PTPN1: variants seen among roughly 807,000 people sequenced by gnomAD.
PTPN1 encodes the protein tyrosine-protein phosphatase non-receptor type 1.
PTPN1 carries 12 observed loss-of-function variants against 59.9 expected under a neutral mutation model. The ratio of observed to expected loss-of-function variants is 0.20; its 90% CI spans 0.13 to 0.32. The LOEUF (loss-of-function observed/expected upper bound fraction) is 0.32. Among genes scored for constraint, PTPN1 ranks in the 10% least tolerant of loss-of-function variants. The probability of loss-of-function intolerance (pLI) is 1.00; values close to 1 mark genes in which losing one functional copy is unlikely to be tolerated. For synonymous variants in PTPN1, 178 were observed against 203.6 expected (o/e 0.87, Z 1.07); for missense variants, 356 against 549.2 (o/e 0.65, Z 3.52).
At chr20:50,574,229 A>G (rs1356234022) in intron 4 of PTPN1, 2 of 369,116 alleles carry the variant, frequency 5.4e-6, no homozygotes, top group Non-Finnish European at 9.6e-6. Flanking sequence ...CACCTCGTAG[A>G]CGGTGAGAAA....
chr20:50,568,382 C>G lies in PTPN1; in HGVS notation c.258C>G (p.Gly86=). 1 of 1,613,710 alleles carries G rather than the reference C, an allele frequency of 6.2e-7. No individual in the cohort carries two copies. Residue 86 remains glycine, a splice_region_variant and synonymous_variant, in exon 4 of 10, where the codon GGC becomes GGG. Coordinates refer to ENST00000371621, the MANE Select transcript of PTPN1 (RefSeq NM_002827.4). This position sits in a 1 kb window ranked among gnomAD's most constrained non-coding sequence, Gnocchi z 5.6. ...EAQRSYILTQ[G]PLPNTCGHFW... is the part of the protein sequence containing the mutation. ...GTTGTGTTATTGTGTCTTTGCAGGG[C>G]CCTTTGCCTAACACATGCGGTCACT...
At chr20:50,511,364 A>G (rs577511107) in intron 1 of PTPN1, among the ~76,000 whole-genome samples, 1 of 152,292 alleles carries the variant, frequency 6.6e-6, no homozygotes, top group South Asian at 2.1e-4. Context: ...CTGTCAAAGG[A>G]GGAGACATTT....
At chr20:50,546,456 C>G (rs951544798) in intron 1 of PTPN1, among the ~76,000 whole-genome samples, 3 of 152,090 alleles carry the variant, frequency 2.0e-5, no homozygotes, top group Non-Finnish European at 2.9e-5. Flanking sequence ...GGGCATTGGT[C>G]GTATTTTATT....
At chr20:50,539,991 T>C (rs987913189) in intron 1 of PTPN1, among the ~76,000 whole-genome samples, 2 of 152,136 alleles carry the variant, frequency 1.3e-5, no homozygotes, top group Admixed American at 6.6e-5. Flanking sequence ...TGTGTATGTT[T>C]GATCTTCTTT....
chr20:50,513,893 T>TA (rs199717412), intron 1 of PTPN1, among the ~76,000 whole-genome samples: 78 of 146,454 alleles, frequency 5.3e-4, no homozygotes, highest in East Asian at 9.9e-4. Flanking sequence ...TCACTTCACT[T>TA]AAAAAAAAAA....
chr20:50,524,864 C>T (rs538689942), intron 1 of PTPN1, among the ~76,000 whole-genome samples: 3 of 151,984 alleles, frequency 2.0e-5, no homozygotes, highest in Admixed American at 1.3e-4. Flanking sequence ...CGTGAGCCAC[C>T]ATGCCCAGCC....
At chr20:50,570,599 C>T (rs1467346517) in intron 4 of PTPN1, among the ~76,000 whole-genome samples, 1 of 152,212 alleles carries the variant, frequency 6.6e-6, no homozygotes, top group African/African-American at 2.4e-5. Flanking sequence ...CAGGTGCTCA[C>T]AGCACACACT....
chr20:50,554,380 A>ATTCTCTC lies in PTPN1; in HGVS notation c.64-6982_64-6981insTCTCTCT, dbSNP rs11481722. Among the ~76,000 whole-genome samples, 143 of 140,278 alleles carry ATTCTCTC rather than the reference A, an allele frequency of 1.0e-3. 3 individuals are homozygous for ATTCTCTC. Among genetic ancestry groups the ATTCTCTC allele is most frequent in the African/African-American group, 1.9e-3 (69 of 37,258 alleles). 92.0% of individuals were successfully genotyped at this position (140,278 alleles called of 152,430 possible). Reference sequence around the variant, plus strand: ...CCAGCCTAGGCAACAGCAAGACCACATCTCTCTCTCTCTCTCTCTCTCTCT... The same window carrying ATTCTCTC: ...CCAGCCTAGGCAACAGCAAGACCACATTCTCTCTCTCTCTCTCTCTCTCTCTCTCTCT... On this transcript the variant is annotated intron_variant, in intron 1 of 9. Coordinates refer to ENST00000371621, the MANE Select transcript of PTPN1 (RefSeq NM_002827.4).
intron 1 of PTPN1, among the ~76,000 whole-genome samples, chr20:50,521,537 C>T (rs2082551022): frequency 6.6e-6 from 1 of 152,236 alleles, no homozygotes; most frequent in Non-Finnish European, 1.5e-5. Context: ...TCAGCTTCCA[C>T]ATACATGGCT....
intron 5 of PTPN1, chr20:50,575,009 C>T (rs950788352): frequency 4.4e-6 from 1 of 226,402 alleles, no homozygotes; most frequent in East Asian, 1.4e-4. Flanking sequence ...CCTCAGTCTT[C>T]GAGTCTGAAG....
chr20:50,550,842 T>G (rs2082699223), intron 1 of PTPN1, among the ~76,000 whole-genome samples: 1 of 152,196 alleles, frequency 6.6e-6, no homozygotes, highest in African/African-American at 2.4e-5. Flanking sequence ...AAATGAGTAA[T>G]GCATTTTACC....
At chr20:50,532,135 A>G (rs1403389569) in intron 1 of PTPN1, among the ~76,000 whole-genome samples, 1 of 152,260 alleles carries the variant, frequency 6.6e-6, no homozygotes, top group Non-Finnish European at 1.5e-5. Flanking sequence ...AGAGATGTTA[A>G]CAAACAGCTG....
chr20:50,536,243 T>A (rs1332319871), intron 1 of PTPN1, among the ~76,000 whole-genome samples: 2 of 152,236 alleles, frequency 1.3e-5, no homozygotes, highest in Non-Finnish European at 2.9e-5. Flanking sequence ...TACTTTTCCC[T>A]ATAAGGCAGT....
intron 1 of PTPN1, among the ~76,000 whole-genome samples, chr20:50,537,888 G>A (rs1019506628): frequency 1.3e-5 from 2 of 152,172 alleles, no homozygotes; most frequent in South Asian, 2.1e-4. Flanking sequence ...TGACAGTAAT[G>A]TACATGTCAA....
At chr20:50,547,927 A>G (rs540276437) in intron 1 of PTPN1, among the ~76,000 whole-genome samples, 1 of 152,330 alleles carries the variant, frequency 6.6e-6, no homozygotes, top group African/African-American at 2.4e-5. Flanking sequence ...AGAGTTTCTT[A>G]TCTTAAATGG....
intron 1 of PTPN1, among the ~76,000 whole-genome samples, chr20:50,523,571 A>G (rs1476053371): frequency 6.6e-6 from 1 of 152,218 alleles, no homozygotes; most frequent in Non-Finnish European, 1.5e-5. Context: ...TGATTCAGTC[A>G]TTCAAAAAAT....
intron 1 of PTPN1, among the ~76,000 whole-genome samples, chr20:50,528,027 A>G (rs1756818928): frequency 2.0e-5 from 3 of 152,230 alleles, no homozygotes; most frequent in South Asian, 2.1e-4. Flanking sequence ...GACAGCCTTC[A>G]GAGGCACTTT....
chr20:50,547,231 ATTTTT>A (rs2082679483), intron 1 of PTPN1, among the ~76,000 whole-genome samples: 2 of 152,146 alleles, frequency 1.3e-5, no homozygotes, highest in Admixed American at 6.5e-5. Context: ...TGAAAAAGCA[ATTTTT>A]ATACCTTTGG....
chr20:50,540,693 C>A (rs1255254028), intron 1 of PTPN1, among the ~76,000 whole-genome samples: 1 of 152,142 alleles, frequency 6.6e-6, no homozygotes, highest in African/African-American at 2.4e-5. Flanking sequence ...AAGCTGCTAC[C>A]GTCCAGGGTT....
Sources: gnomAD v4.1 joint callset for allele counts (sites outside exome capture counted in the v4.1 genomes callset) on GRCh38, gnomAD v4.1.1 for gene constraint, Gnocchi (gnomAD v3.1) non-coding constraint, MANE v1.5 for transcripts, NCBI Gene and HGNC (gene_info 2026-07-23, HGNC 2026-07-21) for gene names.